SYT14: variants seen among roughly 807,000 people sequenced by gnomAD.
The protein encoded by SYT14 is synaptotagmin-14.
In SYT14, 32 loss-of-function variants were observed where a neutral mutation model predicts 74.2. The observed-to-expected ratio is 0.43, with a 90% CI of 0.33 to 0.58. The LOEUF (loss-of-function observed/expected upper bound fraction) is 0.58. SYT14 is among the 20% of genes least tolerant of loss of function. SYT14 has a pLI of 0.05. For missense variants in SYT14, 791 were observed against 981.8 expected (o/e 0.81, Z 2.60); for synonymous variants, 298 against 337.7 (o/e 0.88, Z 1.29).
chr1:209,968,841 A>G (rs972759162), intron 2 of SYT14, among the ~76,000 whole-genome samples: 10 of 151,860 alleles, frequency 6.6e-5, no homozygotes, highest in African/African-American at 2.4e-4. Context: ...TGATGCCACC[A>G]CCCAGGTAGT....
intron 2 of SYT14, among the ~76,000 whole-genome samples, chr1:209,991,028 G>A (rs1200113857): frequency 6.6e-6 from 1 of 152,084 alleles, no homozygotes; most frequent in Non-Finnish European, 1.5e-5. Flanking sequence ...ATTATACACT[G>A]GGGAAAGGAC....
intron 2 of SYT14, among the ~76,000 whole-genome samples, chr1:209,993,735 G>C (rs2079735596): frequency 6.6e-6 from 1 of 152,102 alleles, no homozygotes; most frequent in Admixed American, 6.6e-5. Context: ...AGTGGACCTG[G>C]TGAGGCCATC....
At chr1:209,977,881 A>G (rs1277439024) in intron 2 of SYT14, among the ~76,000 whole-genome samples, 1 of 152,008 alleles carries the variant, frequency 6.6e-6, no homozygotes, top group Non-Finnish European at 1.5e-5. Context: ...ATAGTCCCAT[A>G]TTTCTTGGAG....
chr1:210,089,365 A>G (rs2081814929), intron 5 of SYT14, among the ~76,000 whole-genome samples: 1 of 152,160 alleles, frequency 6.6e-6, no homozygotes, highest in Non-Finnish European at 1.5e-5. Context: ...TTTATAGTAG[A>G]ATGATTTATA....
At chr1:210,018,236 C>T (rs141940793) in intron 4 of SYT14, among the ~76,000 whole-genome samples, 2,431 of 152,244 alleles carry the variant, frequency 0.016, 76 homozygotes, top group African/African-American at 0.055. Context: ...CGGGTTCAAG[C>T]GATTCTCCTG....
At chr1:210,046,452 A>G (rs1010602132) in intron 5 of SYT14, among the ~76,000 whole-genome samples, 4 of 152,124 alleles carry the variant, frequency 2.6e-5, no homozygotes, top group Non-Finnish European at 4.4e-5. Flanking sequence ...ACTGAATGGT[A>G]TAGCTATTAC....
chr1:210,042,155 G>T (rs2080803465), intron 5 of SYT14, among the ~76,000 whole-genome samples: 1 of 152,074 alleles, frequency 6.6e-6, no homozygotes, highest in African/African-American at 2.4e-5. Context: ...CTGTCCTCCT[G>T]CATGGACAGG....
intron 2 of SYT14, among the ~76,000 whole-genome samples, chr1:209,954,850 C>T (rs1394475538): frequency 2.6e-5 from 4 of 151,910 alleles, no homozygotes; most frequent in Non-Finnish European, 4.4e-5. Context: ...GGATTACAGG[C>T]GCATGCCACC....
chr1:210,157,449 A>G (rs544052066), intron 8 of SYT14, among the ~76,000 whole-genome samples: 158 of 151,546 alleles, frequency 1.0e-3, no homozygotes, highest in Non-Finnish European at 1.7e-3. Context: ...CTTAAAAAAA[A>G]AAAAAATTGG....
chr1:209,940,617 C>G (rs934082875), intron 1 of SYT14, among the ~76,000 whole-genome samples: 1 of 152,070 alleles, frequency 6.6e-6, no homozygotes, highest in Non-Finnish European at 1.5e-5. Context: ...TTCATAAGGT[C>G]TTTGTATTTG....
intron 6 of SYT14, among the ~76,000 whole-genome samples, chr1:210,095,226 TA>T (rs2081948821): frequency 6.6e-6 from 1 of 152,214 alleles, no homozygotes; most frequent in Non-Finnish European, 1.5e-5. Context: ...GAAAACTATA[TA>T]AAGACAATCT....
intron 2 of SYT14, among the ~76,000 whole-genome samples, chr1:209,988,665 A>C (rs1471571743): frequency 6.6e-6 from 1 of 152,222 alleles, no homozygotes; most frequent in Non-Finnish European, 1.5e-5. Context: ...TTCTGAAGCA[A>C]AATCCTTCAT....
chr1:209,967,877 T>C (rs2079179755), intron 2 of SYT14, among the ~76,000 whole-genome samples: 1 of 152,160 alleles, frequency 6.6e-6, no homozygotes, highest in African/African-American at 2.4e-5. Context: ...CTTTTTCTGG[T>C]TTAAGATGTT....
At chr1:210,115,213 A>T (rs926237340) in intron 7 of SYT14, among the ~76,000 whole-genome samples, 1 of 151,418 alleles carries the variant, frequency 6.6e-6, no homozygotes, top group Non-Finnish European at 1.5e-5. Flanking sequence ...TTTAGGTTTT[A>T]GGTCAGGTGT....
intron 6 of SYT14, among the ~76,000 whole-genome samples, chr1:210,098,805 T>G (rs1302967098): frequency 6.6e-6 from 1 of 151,954 alleles, no homozygotes; most frequent in Non-Finnish European, 1.5e-5. Flanking sequence ...CTCACCTACC[T>G]GAGTAGCTGG....
intron 7 of SYT14, among the ~76,000 whole-genome samples, chr1:210,124,961 G>C (rs538923614): frequency 6.6e-6 from 1 of 151,894 alleles, no homozygotes; most frequent in Non-Finnish European, 1.5e-5. Context: ...AAACACATTT[G>C]TGCATGATTT....
At chr1:209,998,744 T>G (rs1401199543) in intron 2 of SYT14, among the ~76,000 whole-genome samples, 1 of 152,124 alleles carries the variant, frequency 6.6e-6, no homozygotes, top group Non-Finnish European at 1.5e-5. Context: ...GATATTCATA[T>G]GCAGAAAAAT....
intron 5 of SYT14, among the ~76,000 whole-genome samples, chr1:210,031,571 G>A (rs1249366457): frequency 1.3e-5 from 2 of 152,058 alleles, no homozygotes; most frequent in Non-Finnish European, 2.9e-5. Context: ...AATAATTGAT[G>A]CAATTTTTAA....
intron 7 of SYT14, among the ~76,000 whole-genome samples, chr1:210,113,053 G>A (rs894381545): frequency 5.9e-5 from 9 of 151,346 alleles, no homozygotes; most frequent in African/African-American, 1.5e-4. Context: ...AGCGGCAGCC[G>A]CCGCACGCAG....
Sources: gnomAD v4.1 joint callset for allele counts (sites outside exome capture counted in the v4.1 genomes callset) on GRCh38, gnomAD v4.1.1 for gene constraint, MANE v1.5 for transcripts, NCBI Gene and HGNC (gene_info 2026-07-23, HGNC 2026-07-21) for gene names.